Variants in VPS13D observed in about 807,000 individuals in gnomAD.
VPS13D encodes intermembrane lipid transfer protein VPS13D.
A neutral mutation model predicts 461.9 loss-of-function variants in VPS13D; 187 were observed. The ratio of observed to expected loss-of-function variants is 0.40; its 90% confidence interval spans 0.36 to 0.46. VPS13D has a LOEUF of 0.46. Ranked by LOEUF, VPS13D falls within the 20% of genes least tolerant of loss-of-function variation. The probability of loss-of-function intolerance (pLI) is 0.60; values close to 1 mark genes in which losing one functional copy is unlikely to be tolerated. For synonymous variants in VPS13D, 1,951 were observed against 1,986.3 expected (o/e 0.98, Z 0.47); for missense variants, 4,711 against 5,364.9 (o/e 0.88, Z 3.81).
intron 65 of VPS13D, among the ~76,000 whole-genome samples, chr1:12,423,192 T>A (rs566654744): frequency 1.7e-4 from 26 of 152,200 alleles, no homozygotes; most frequent in Non-Finnish European, 3.2e-4. Flanking sequence ...AGATGGGCAT[T>A]TTCAGCCCCA....
At chr1:12,430,810 A>G (rs549235789) in intron 65 of VPS13D, among the ~76,000 whole-genome samples, 1 of 152,270 alleles carries the variant, frequency 6.6e-6, no homozygotes, top group East Asian at 1.9e-4. Flanking sequence ...GGTCATGCAA[A>G]TCTCCAGTCC....
At chr1:12,255,188 C>T (rs1005343289) in intron 7 of VPS13D, among the ~76,000 whole-genome samples, 1 of 152,200 alleles carries the variant, frequency 6.6e-6, no homozygotes, top group African/African-American at 2.4e-5. Flanking sequence ...TCAGGTGATA[C>T]ACCTGCCTCG....
rs201242186 is a variant in VPS13D at position 12,276,414 on chromosome 1, G to A, written c.2826G>A (p.Glu942=). 3.1e-5 allele frequency: 50 copies of A among 1,614,228 alleles called. 1 individual carries two copies. The Admixed American group carries it at 6.0e-4, about 19-fold the overall frequency. ...MNLTQSIVLL[E]QHTREVLVES... ...TAACCCAGAGCATTGTGTTGTTGGA[G>A]CAGCATACCCGCGAGGTTCTGGTGG... Residue 942 remains glutamate (E), a synonymous_variant, in exon 19 of 70, where the codon GAG becomes GAA. Coordinates refer to ENST00000620676, the MANE Select transcript of VPS13D (RefSeq NM_015378.4). The surrounding 1 kb of genome is among the most constrained non-coding windows in gnomAD (Gnocchi z 4.5).
At chr1:12,393,050 T>C (rs554704143) in intron 60 of VPS13D, among the ~76,000 whole-genome samples, 12 of 152,292 alleles carry the variant, frequency 7.9e-5, no homozygotes, top group Non-Finnish European at 1.8e-4. Flanking sequence ...AGCAACACCG[T>C]TAACTTAGAA....
chr1:12,439,366 A>G (rs1179081496), intron 65 of VPS13D, among the ~76,000 whole-genome samples: 1 of 151,906 alleles, frequency 6.6e-6, no homozygotes, highest in Admixed American at 6.6e-5. Flanking sequence ...CTATGGCCAC[A>G]TGGTTTTCAT....
rs753226410 is a variant in VPS13D at position 12,242,497 on chromosome 1, C to T, written c.98-16C>T. The stretch of plus-strand genomic sequence containing the variant: ...TTTGTTAAATGGATATTTCATGATG[C>T]TGTTTTTATTTTTAGGTGCTGTTGA... On this transcript the variant is annotated splice_polypyrimidine_tract_variant and intron_variant, in intron 2 of 69. Transcript: ENST00000620676. 1 of 1,609,304 alleles carries T rather than the reference C, an allele frequency of 6.2e-7. No individual in the cohort carries two copies. Among genetic ancestry groups the T allele is most frequent in the Non-Finnish European group, 8.5e-7 (1 of 1,175,754 alleles).
At chr1:12,242,463 C>A in intron 2 of VPS13D, 50 bp from the exon 3 acceptor site, 1 of 1,508,372 alleles carries the variant, frequency 6.6e-7, no homozygotes, top group Non-Finnish European at 9.2e-7. Flanking sequence ...CAGTAGGTGG[C>A]CTACTGTATT....
intron 1 of VPS13D, among the ~76,000 whole-genome samples, chr1:12,233,487 C>T (rs1361082990): frequency 6.6e-6 from 1 of 152,092 alleles, no homozygotes; most frequent in Non-Finnish European, 1.5e-5. Context: ...CAGTAGCAGC[C>T]CCTAAGTCAT....
intron 55 of VPS13D, among the ~76,000 whole-genome samples, chr1:12,375,916 T>C (rs1342534026): frequency 6.6e-6 from 1 of 152,154 alleles, no homozygotes; most frequent in African/African-American, 2.4e-5. Context: ...CTAAAGATTT[T>C]AGAACTAAAT....
chr1:12,238,487 G>T (rs1382039366), intron 2 of VPS13D, among the ~76,000 whole-genome samples: 1 of 151,766 alleles, frequency 6.6e-6, no homozygotes, highest in East Asian at 1.9e-4. Context: ...AAAGCAAATT[G>T]CTTGTTCTCT....
intron 44 of VPS13D, 34 bp from the exon 45 acceptor site, chr1:12,348,789 A>G (rs1283189070): frequency 6.2e-7 from 1 of 1,608,078 alleles, no homozygotes; most frequent in East Asian, 2.2e-5. Context: ...TTTTTCAGAA[A>G]CATAACTATT....
chr1:12,391,069 C>G (rs1335511519), intron 60 of VPS13D, among the ~76,000 whole-genome samples: 2 of 152,210 alleles, frequency 1.3e-5, no homozygotes, highest in African/African-American at 4.8e-5. Context: ...TCTAATCATG[C>G]TCTTCCAAGT....
chr1:12,410,350 C>T (rs1440862668), intron 63 of VPS13D, among the ~76,000 whole-genome samples: 3 of 152,178 alleles, frequency 2.0e-5, no homozygotes, highest in South Asian at 2.1e-4. Flanking sequence ...GACTAAAACA[C>T]ACCAGAACTT....
In VPS13D at chr1:12,403,837, A is replaced by G; in HGVS notation, c.11894A>G (p.Tyr3965Cys). 2.5e-6 allele frequency: 4 copies of G among 1,597,500 alleles called. No individual in the cohort carries two copies. Among genetic ancestry groups the G allele is most frequent in the Non-Finnish European group, 3.4e-6 (4 of 1,175,136 alleles). ...YDQAESEVEK[Y>C]DENLHEKTAE... ...TCCTTTGTACCAGAGGTGGAAAAAT[A>G]TGATGAAAACCTCCATGAAAAGACA... is the stretch of plus-strand genomic sequence containing the variant. The change falls in exon 63 of 70, where the codon TAT (tyrosine) becomes TGT (cysteine). Residue 3965 changes from tyrosine to cysteine, a missense_variant. Coordinates refer to ENST00000620676, the MANE Select transcript of VPS13D (RefSeq NM_015378.4).
At chr1:12,387,286 T>G (rs1644362249) in intron 60 of VPS13D, among the ~76,000 whole-genome samples, 1 of 152,210 alleles carries the variant, frequency 6.6e-6, no homozygotes, top group Non-Finnish European at 1.5e-5. Flanking sequence ...TCCGAAAGAA[T>G]CAACCTCTTC....
At chr1:12,349,093 T>G (rs1643740284) in intron 45 of VPS13D, 71 bp from the exon 46 acceptor site, 1 of 1,610,728 alleles carries the variant, frequency 6.2e-7, no homozygotes, top group African/African-American at 1.3e-5. Context: ...TGTCTTCTTT[T>G]GTCCTGAGAT....
intron 65 of VPS13D, among the ~76,000 whole-genome samples, chr1:12,436,218 T>G (rs1002630279): frequency 2.6e-5 from 4 of 152,104 alleles, no homozygotes; most frequent in African/African-American, 7.2e-5. Context: ...TTGGTGTCTG[T>G]GGGGGTTCCT....
chr1:12,351,988 A>G (rs1018760651), intron 46 of VPS13D, among the ~76,000 whole-genome samples: 1 of 151,426 alleles, frequency 6.6e-6, no homozygotes, highest in Admixed American at 6.6e-5. Flanking sequence ...GTAACTCATC[A>G]TATTAAGAGA....
intron 47 of VPS13D, 70 bp downstream of exon 47, chr1:12,354,291 T>A (rs1489804075): frequency 6.4e-7 from 1 of 1,562,810 alleles, no homozygotes; most frequent in African/African-American, 1.4e-5. Context: ...TGTGATTATT[T>A]ATTTGGTAAG....
Sources: allele counts gnomAD v4.1 joint callset (sites outside exome capture counted in the v4.1 genomes callset), GRCh38; gene constraint gnomAD v4.1.1; non-coding constraint Gnocchi (gnomAD v3.1); transcripts MANE v1.5; gene names NCBI Gene and HGNC (gene_info 2026-07-23, HGNC 2026-07-21).